Variants in IL11RA observed in about 807,000 individuals in gnomAD.
The protein encoded by IL11RA is interleukin-11 receptor subunit alpha.
IL11RA carries 51 observed loss-of-function variants against 57.0 expected under a neutral mutation model. That is an observed-to-expected ratio of 0.89 (90% CI 0.71 to 1.13). The LOEUF (loss-of-function observed/expected upper bound fraction) is 1.13, where lower values mean the gene tolerates loss of function less well. Among genes scored for constraint, IL11RA ranks in the 50% most tolerant of loss-of-function variants. The probability of loss-of-function intolerance (pLI) is 0.00; values close to 1 mark genes in which losing one functional copy is unlikely to be tolerated. For synonymous variants in IL11RA, 199 were observed against 217.5 expected (o/e 0.91, Z 0.75); for missense variants, 498 against 539.4 (o/e 0.92, Z 0.76).
At position 34,660,585 on chromosome 9, in the gene IL11RA, T is replaced by C; in HGVS notation, c.1154T>C (p.Leu385Pro). 3 of 1,613,876 alleles carry C rather than the reference T, an allele frequency of 1.9e-6. No homozygotes were observed. Among genetic ancestry groups the C allele is most frequent in the Non-Finnish European group, 2.5e-6 (3 of 1,179,768 alleles). Residue 385 changes from leucine (L) to proline (P), a missense_variant, in exon 11 of 13, where the codon CTG becomes CCG. By Grantham distance (98) the Leu-to-Pro change is moderately conservative. Coordinates refer to ENST00000441545, the MANE Select transcript of IL11RA (RefSeq NM_001142784.3). ...TTCCTGGGACTGGTGGCTGGGGCCC[T>C]GGCACTGGGGCTCTGGTAAGTGACT... is the stretch of plus-strand genomic sequence containing the variant. ...LSFLGLVAGA[L>P]ALGLWLRLRR...
At chr9:34,660,723 C>T in intron 11 of IL11RA, 123 bp downstream of exon 11, 1 of 1,162,222 alleles carries the variant, frequency 8.6e-7, no homozygotes, top group Non-Finnish European at 1.3e-6. Context: ...GAACTACCTC[C>T]CCATACCTCC....
At position 34,657,040 on chromosome 9, in the gene IL11RA, C is replaced by G. The variant is rs776445508; in HGVS notation, c.337C>G (p.Pro113Ala). The change falls in exon 5 of 13, where the codon CCA becomes GCA. Residue 113 changes from proline (P) to alanine (A), a missense_variant. By Grantham distance (27) the Pro-to-Ala change is conservative. Coordinates refer to ENST00000441545, the MANE Select transcript of IL11RA (RefSeq NM_001142784.3). ...GGTGTACCCTCTGCCTCTAGACCCT[C>G]CAGCCCGCCCTGTTGTCTCCTGCCA... ...GTVTLQLGYP[P>A]ARPVVSCQAA... The G allele has an allele frequency of 1.9e-6, 3 of 1,614,110 alleles. No homozygotes were observed. Among genetic ancestry groups the G allele is most frequent in the South Asian group, 2.2e-5 (2 of 91,082 alleles).
At chr9:34,654,159 C>G (rs1399105498) in intron 1 of IL11RA, 1 of 153,096 alleles carries the variant, frequency 6.5e-6, no homozygotes, top group Non-Finnish European at 1.5e-5. Context: ...TCCCAGAGCC[C>G]TTTCCCCGCC....
At position 34,657,574 on chromosome 9, in the gene IL11RA, C is replaced by T; in HGVS notation, c.633C>T (p.Ser211=). ...LGASTRLLDV[S]LQSILRPDPP... ...CCAGCACACGCCTGCTGGATGTGAG[C>T]TTGCAGAGCATCTGTGAGTACCCAC... Residue 211 remains serine, a synonymous_variant, in exon 7 of 13, where the codon AGC becomes AGT. Transcript: ENST00000441545. 1.2e-6 allele frequency: 2 copies of T among 1,614,134 alleles called. No homozygotes were observed. The highest frequency in any genetic ancestry group is 1.7e-6 in the Non-Finnish European group (2 of 1,179,984).
intron 3 of IL11RA, 100 bp from the exon 4 acceptor site, chr9:34,656,639 C>A: frequency 7.3e-7 from 1 of 1,370,970 alleles, no homozygotes; most frequent in Non-Finnish European, 1.0e-6. Context: ...AATTTGGGTT[C>A]TATTGCAAAT....
chr9:34,658,495 T>C lies in IL11RA; in HGVS notation c.647-25T>C. On this transcript the variant is annotated intron_variant, in intron 7 of 12. Coordinates refer to ENST00000441545, the MANE Select transcript of IL11RA (RefSeq NM_001142784.3). The surrounding 1 kb of genome is among the most constrained non-coding windows in gnomAD (Gnocchi z 4.0). ...AGTGATGGAGACCCATAGCCTACCC[T>C]GACTTTGTGTCTTGATGCCCTTAGT... 1 of 1,613,916 alleles carries C rather than the reference T, an allele frequency of 6.2e-7. No homozygotes were observed. Among genetic ancestry groups the C allele is most frequent in the Non-Finnish European group, 8.5e-7 (1 of 1,179,776 alleles).
At chr9:34,660,066 G>GTCC (rs1199863077) in intron 9 of IL11RA, among the ~76,000 whole-genome samples, 166 bp downstream of exon 9, 3 of 152,352 alleles carry the variant, frequency 2.0e-5, no homozygotes, top group African/African-American at 7.2e-5. Context: ...CTTAGCTTAA[G>GTCC]TCCTGCCCCT....
chr9:34,657,514 C>A lies in IL11RA; in HGVS notation c.573C>A (p.Tyr191Ter), dbSNP rs867893001. The A allele has an allele frequency of 6.2e-7, 1 of 1,614,078 alleles. No homozygotes were observed. Among genetic ancestry groups the A allele is most frequent in the Non-Finnish European group, 8.5e-7 (1 of 1,180,030 alleles). ...VVHGAEFWSQYRINVTEVNPL... is the reference protein window; with the variant it reads ...VVHGAEFWSQ The stretch of plus-strand genomic sequence containing the variant: ...ACGGGGCTGAGTTCTGGAGCCAGTA[C>A]CGGATTAATGTGACTGAGGTGAACC... The change falls in exon 7 of 13, where the codon TAC (tyrosine) becomes TAA (stop). Residue 191 changes from tyrosine (Y) to a stop codon, truncating the protein, a stop_gained. Transcript: ENST00000441545. LOFTEE classifies it high-confidence loss of function.
rs1035783920 is a variant in IL11RA at position 34,653,149 on chromosome 9, G to T, written c.-1+916G>T. On this transcript the variant is annotated intron_variant, in intron 1 of 12. Coordinates refer to ENST00000441545, the MANE Select transcript of IL11RA (RefSeq NM_001142784.3). This position sits in a 1 kb window ranked among gnomAD's most constrained non-coding sequence, Gnocchi z 4.5. ...GGCTAAGAGCTCCCTGAGAGAGGGG[G>T]CTTAGACCATGATGAAGAGTTGCTT... 6.6e-6 allele frequency among the ~76,000 whole-genome samples: 1 copy of T among 152,182 alleles called. No individual in the cohort carries two copies. The highest frequency in any genetic ancestry group is 1.5e-5 in the Non-Finnish European group (1 of 68,040).
At chr9:34,657,646 A>G (rs1821374218) in intron 7 of IL11RA, 59 bp downstream of exon 7, 1 of 1,517,496 alleles carries the variant, frequency 6.6e-7, no homozygotes, top group South Asian at 1.2e-5. Context: ...AAATGGACTC[A>G]GATCTCTCCA....
chr9:34,660,752 G>A (rs1821440400), intron 11 of IL11RA, 102 bp from the exon 12 acceptor site: 7 of 1,247,816 alleles, frequency 5.6e-6, no homozygotes, highest in Admixed American at 5.0e-5. Flanking sequence ...TGCCCCACTT[G>A]ATTTTAACTG....
In IL11RA at chr9:34,661,780, A is replaced by C; in HGVS notation, c.*282A>C. The C allele has an allele frequency of 1.3e-6, 1 of 782,804 alleles. No homozygotes were observed. Among genetic ancestry groups the C allele is most frequent in the Non-Finnish European group, 2.1e-6 (1 of 468,458 alleles). 48.5% of individuals were successfully genotyped at this position (782,804 alleles called of 1,614,324 possible). A position where few individuals can be genotyped will look rare whatever the true frequency, so the allele number is the denominator to read the frequency against. ...GAGGCAGGGAACATGTATTCTCTGC[A>C]TGCATGTATGTAGGTGCCTGGGGAG... On this transcript the variant is annotated 3_prime_UTR_variant, in exon 13 of 13. Transcript: ENST00000441545.
chr9:34,658,793 C>T lies in IL11RA; in HGVS notation c.810+110C>T, dbSNP rs1488481747. ...TGCTGGCAGGTCACTGAAGACCCAA[C>T]ACTTCCCTGTGGGCCAGGCTTTGTA... On this transcript the variant is annotated intron_variant, in intron 8 of 12. Coordinates refer to ENST00000441545, the MANE Select transcript of IL11RA (RefSeq NM_001142784.3). The surrounding 1 kb of genome is among the most constrained non-coding windows in gnomAD (Gnocchi z 4.0). 2.2e-5 allele frequency: 27 copies of T among 1,236,334 alleles called. 1 individual carries two copies. The East Asian group carries it at 2.6e-4, about 12-fold the overall frequency. The allele number at this position is 1,236,334 out of a possible 1,614,324, so 76.6% of individuals were successfully genotyped here. A position where few individuals can be genotyped will look rare whatever the true frequency, so the allele number is the denominator to read the frequency against.
chr9:34,659,449 T>C (rs1226955676), intron 8 of IL11RA, among the ~76,000 whole-genome samples: 1 of 152,216 alleles, frequency 6.6e-6, no homozygotes, highest in Non-Finnish European at 1.5e-5. Context: ...TTGTTTTGTT[T>C]AGGTAGATTC....
chr9:34,655,150 G>A (rs1273096137), intron 1 of IL11RA, 68 bp from the exon 2 acceptor site: 15 of 1,122,124 alleles, frequency 1.3e-5, no homozygotes, highest in Middle Eastern at 1.9e-4. Flanking sequence ...CAGTTTTGGA[G>A]AGGAAGAGCC....
In IL11RA at chr9:34,658,798, C is replaced by T; in HGVS notation, c.810+115C>T. On this transcript the variant is annotated intron_variant, in intron 8 of 12. Transcript: ENST00000441545. The surrounding 1 kb of genome is among the most constrained non-coding windows in gnomAD (Gnocchi z 4.0). Reference sequence around the variant, plus strand: ...GCAGGTCACTGAAGACCCAACACTTCCCTGTGGGCCAGGCTTTGTACTGGG... The same window carrying T: ...GCAGGTCACTGAAGACCCAACACTTTCCTGTGGGCCAGGCTTTGTACTGGG... 8.6e-7 allele frequency: 1 copy of T among 1,165,134 alleles called. No homozygotes were observed. Among genetic ancestry groups the T allele is most frequent in the South Asian group, 1.3e-5 (1 of 79,320 alleles). 72.2% of individuals were successfully genotyped at this position (1,165,134 alleles called of 1,614,324 possible).
intron 2 of IL11RA, 72 bp downstream of exon 2, chr9:34,655,389 C>T: frequency 1.0e-6 from 1 of 990,842 alleles, no homozygotes; most frequent in South Asian, 1.4e-5. Context: ...GGCCCCTTCC[C>T]ATGCCTAACT....
rs996772251 is a variant in IL11RA at position 34,657,107 on chromosome 9, G to C, written c.404G>C (p.Ser135Thr). 10 of 1,614,150 alleles carry C rather than the reference G, an allele frequency of 6.2e-6. No homozygotes were observed. The highest frequency in any genetic ancestry group is 8.5e-6 in the Non-Finnish European group (10 of 1,180,040). The change falls in exon 5 of 13, where the codon AGC becomes ACC. Residue 135 changes from serine to threonine, a missense_variant. Coordinates refer to ENST00000441545, the MANE Select transcript of IL11RA (RefSeq NM_001142784.3). ...YENFSCTWSP[S>T]QISGLPTRYL... Reference sequence around the variant, plus strand: ...AACTTCTCTTGCACTTGGAGTCCCAGCCAGATCAGCGGTTTACCCACCCGC... The same window carrying C: ...AACTTCTCTTGCACTTGGAGTCCCACCCAGATCAGCGGTTTACCCACCCGC...
At chr9:34,656,949 T>C (rs752158662) in intron 4 of IL11RA, 41 bp downstream of exon 4, 2 of 1,612,664 alleles carry the variant, frequency 1.2e-6, no homozygotes, top group Admixed American at 3.3e-5. Context: ...ATAGGGATCC[T>C]GAGGGAGTAT....
Sources: gnomAD v4.1 joint callset for allele counts (sites outside exome capture counted in the v4.1 genomes callset) on GRCh38, gnomAD v4.1.1 for gene constraint, Gnocchi (gnomAD v3.1) non-coding constraint, MANE v1.5 for transcripts, NCBI Gene and HGNC (gene_info 2026-07-23, HGNC 2026-07-21) for gene names.